The following NKTR variants were observed in gnomAD, a reference collection of about 807,000 sequenced individuals.
The protein encoded by NKTR is natural killer cell triggering receptor, also known as NK-tumor recognition protein.
A neutral mutation model predicts 156.3 loss-of-function variants in NKTR; 67 were observed. The ratio of observed to expected loss-of-function variants is 0.43; its 90% CI spans 0.35 to 0.53. The LOEUF (loss-of-function observed/expected upper bound fraction) is 0.53. Among genes scored for constraint, NKTR ranks in the 20% least tolerant of loss-of-function variants. The probability of loss-of-function intolerance (pLI) is 0.01; values close to 1 mark genes in which losing one functional copy is unlikely to be tolerated. For synonymous variants in NKTR, 640 were observed against 596.6 expected, an observed-to-expected ratio of 1.07 and a Z score of -1.06; for missense variants, 1,604 against 1,730.9, an observed-to-expected ratio of 0.93 and a Z score of 1.30.
intron 12 of NKTR, 36 bp downstream of exon 12, chr3:42,635,402 G>A (rs375298761): frequency 5.3e-6 from 8 of 1,519,714 alleles, no homozygotes; most frequent in Non-Finnish European, 7.1e-6. Context: ...TCCTGTGTCT[G>A]TTATATTTTA....
intron 1 of NKTR, 39 bp from the exon 2 acceptor site, chr3:42,600,945 C>A (rs1705349376): frequency 7.6e-7 from 1 of 1,310,422 alleles, no homozygotes; most frequent in Non-Finnish European, 1.0e-6. Context: ...CCCCCGCCCT[C>A]GCCCCTGCCC....
chr3:42,623,012 A>G (rs1328147406), intron 6 of NKTR, among the ~76,000 whole-genome samples: 1 of 152,054 alleles, frequency 6.6e-6, no homozygotes, highest in Admixed American at 6.6e-5. Context: ...GCTTGTTCAT[A>G]AAATGTTAGA....
chr3:42,608,142 G>A (rs1458581194), intron 2 of NKTR, among the ~76,000 whole-genome samples: 2 of 151,388 alleles, frequency 1.3e-5, no homozygotes, highest in South Asian at 2.1e-4. Context: ...GGTGCCCACC[G>A]CCACACCTGG....
intron 1 of NKTR, 88 bp from the exon 2 acceptor site, chr3:42,600,896 G>A (rs1251485592): frequency 1.5e-5 from 12 of 781,652 alleles, no homozygotes; most frequent in Non-Finnish European, 2.0e-5. Context: ...GCACCGTGGC[G>A]CGGACTTCGT....
At chr3:42,645,848 C>T in intron 16 of NKTR, 40 bp from the exon 17 acceptor site, 1 of 1,396,558 alleles carries the variant, frequency 7.2e-7, no homozygotes, top group Non-Finnish European at 1.0e-6. Context: ...AAAGATTTTA[C>T]AGTTACAAGA....
chr3:42,644,311 C>A (rs1321174513), intron 16 of NKTR, among the ~76,000 whole-genome samples: 3 of 152,040 alleles, frequency 2.0e-5, no homozygotes, highest in African/African-American at 7.3e-5. Flanking sequence ...TGGCCACTTG[C>A]TTAAATAGAA....
chr3:42,635,138 T>C (rs1433917415), intron 11 of NKTR, 83 bp from the exon 12 acceptor site: 16 of 1,006,170 alleles, frequency 1.6e-5, no homozygotes, highest in Middle Eastern at 2.3e-4. Flanking sequence ...TGATCTGAGA[T>C]TGGGTCTTTT....
At position 42,629,088 on chromosome 3, in the gene NKTR, T is replaced by C. The variant is rs542161671; in HGVS notation, c.375-1458T>C. ...AGCTTCTGTACCAATTTCTTGTCTT[T>C]AGTGTACTTTGGTAAAGTTTTATAA... On this transcript the variant is annotated intron_variant, in intron 6 of 16. Transcript: ENST00000232978. 1.3e-5 allele frequency: 12 copies of C among 955,362 alleles called. No individual in the cohort carries two copies. The South Asian group carries it at 3.9e-4, about 31-fold the overall frequency. 59.2% of individuals were successfully genotyped at this position (955,362 alleles called of 1,614,324 possible).
chr3:42,629,303 G>C (rs1445294430), intron 6 of NKTR: 1 of 965,514 alleles, frequency 1.0e-6, no homozygotes, highest in Non-Finnish European at 1.2e-6. Context: ...GAATATTTGA[G>C]ATTTTTGCTT....
Position 42,648,389 on chromosome 3 carries a change from C to A in NKTR, c.*2414C>A, listed in dbSNP as rs1305065255. On this transcript the variant is annotated 3_prime_UTR_variant, in exon 17 of 17. Coordinates refer to ENST00000232978, the MANE Select transcript of NKTR (RefSeq NM_005385.4). ...AAGATAGGCCCTAGAAGCCTCATTT[C>A]TTTTCTCCATGGAAAAGGACAGCCC... The A allele has an allele frequency of 1.3e-5, 2 of 152,208 alleles. No individual in the cohort carries two copies. The highest frequency in any genetic ancestry group is 2.9e-5 in the Non-Finnish European group (2 of 68,028). The allele number at this position is 152,208 out of a possible 1,614,324, so 9.4% of individuals were successfully genotyped here.
chr3:42,623,168 G>C (rs1708066215), intron 6 of NKTR, among the ~76,000 whole-genome samples: 1 of 151,730 alleles, frequency 6.6e-6, no homozygotes. Flanking sequence ...GGCCTTTACT[G>C]TTTTCCACAT....
At chr3:42,613,968 A>G (rs1245176278) in intron 2 of NKTR, among the ~76,000 whole-genome samples, 2 of 152,186 alleles carry the variant, frequency 1.3e-5, no homozygotes, top group Admixed American at 1.3e-4. Flanking sequence ...TTGGCATAAC[A>G]TTAATTCTGT....
chr3:42,641,365 A>G (rs1004519452), intron 13 of NKTR, among the ~76,000 whole-genome samples: 1 of 152,208 alleles, frequency 6.6e-6, no homozygotes, highest in Non-Finnish European at 1.5e-5. Context: ...AATAAAACCT[A>G]TGGTGATATT....
intron 13 of NKTR, among the ~76,000 whole-genome samples, chr3:42,641,661 C>T (rs547230183): frequency 5.0e-4 from 76 of 152,220 alleles, no homozygotes; most frequent in African/African-American, 1.6e-3. Context: ...GGGCAGATCA[C>T]AAGGTCAGGA....
At chr3:42,619,607 T>G (rs1707720412) in intron 4 of NKTR, 57 bp from the exon 5 acceptor site, 7 of 1,597,864 alleles carry the variant, frequency 4.4e-6, no homozygotes, top group Non-Finnish European at 6.0e-6. Context: ...AAAAATGATT[T>G]CTGTGTTAGT....
intron 11 of NKTR, 97 bp downstream of exon 11, chr3:42,634,797 T>C: frequency 1.5e-6 from 1 of 647,202 alleles, no homozygotes. Flanking sequence ...TAATACAAAA[T>C]CTGTTCAAGG....
chr3:42,633,542 C>T (rs2125809986), intron 9 of NKTR, 38 bp from the exon 10 acceptor site: 1 of 1,590,824 alleles, frequency 6.3e-7, no homozygotes. Context: ...GAAATGCAAA[C>T]ATTATACATT....
At chr3:42,605,066 A>G (rs938579958) in intron 2 of NKTR, among the ~76,000 whole-genome samples, 9 of 151,786 alleles carry the variant, frequency 5.9e-5, no homozygotes, top group Admixed American at 3.9e-4. Context: ...CATATTTAGG[A>G]TTGTTGTCTT....
chr3:42,633,283 C>A, intron 9 of NKTR: 2 of 864,960 alleles, frequency 2.3e-6, no homozygotes, highest in Admixed American at 4.7e-5. Flanking sequence ...CTCAAGCAAT[C>A]CTCCCACCTA....
Sources: gnomAD v4.1 joint callset for allele counts (sites outside exome capture counted in the v4.1 genomes callset) on GRCh38, gnomAD v4.1.1 for gene constraint, MANE v1.5 for transcripts, NCBI Gene and HGNC (gene_info 2026-07-23, HGNC 2026-07-21) for gene names.